KCNH7: variants seen among roughly 807,000 people sequenced by gnomAD.
The protein encoded by KCNH7 is voltage-gated inwardly rectifying potassium channel KCNH7.
A neutral mutation model predicts 120.8 loss-of-function variants in KCNH7; 49 were observed. That is an observed-to-expected ratio of 0.41 (90% CI 0.32 to 0.51). The LOEUF (loss-of-function observed/expected upper bound fraction) is 0.51. KCNH7 is among the 20% of genes least tolerant of loss of function. The pLI, the probability that KCNH7 is intolerant of heterozygous loss-of-function variation, is 0.38. For missense variants in KCNH7, 1,097 were observed against 1,446.6 expected, an observed-to-expected ratio of 0.76 and a Z score of 3.92; for synonymous variants, 547 against 516.1, an observed-to-expected ratio of 1.06 and a Z score of -0.81.
At chr2:162,375,017 G>GT (rs1686111355) in intron 14 of KCNH7, among the ~76,000 whole-genome samples, 1 of 151,998 alleles carries the variant, frequency 6.6e-6, no homozygotes, top group Non-Finnish European at 1.5e-5. Flanking sequence ...ACTGTTATGT[G>GT]TTATACATAT....
chr2:162,796,107 T>C (rs1018727364), intron 2 of KCNH7: 6 of 152,086 alleles, frequency 3.9e-5, no homozygotes, highest in African/African-American at 9.7e-5. Context: ...GTTGTTTACA[T>C]ACACAATGGA....
At chr2:162,836,516 T>C in intron 2 of KCNH7, 21 bp downstream of exon 2, 1 of 1,587,108 alleles carries the variant, frequency 6.3e-7, no homozygotes, top group Middle Eastern at 1.7e-4. Context: ...ATAGAAGGAA[T>C]CCTAAATAGA....
chr2:162,668,392 A>G (rs1326744750), intron 2 of KCNH7, among the ~76,000 whole-genome samples: 2 of 152,340 alleles, frequency 1.3e-5, no homozygotes, highest in African/African-American at 4.8e-5. Context: ...ACAGAAGTAC[A>G]CAGTGAATAT....
intron 12 of KCNH7, among the ~76,000 whole-genome samples, chr2:162,393,186 A>G (rs528366696): frequency 1.7e-4 from 26 of 152,136 alleles, no homozygotes; most frequent in Non-Finnish European, 2.6e-4. Context: ...TAGAGTCACC[A>G]TCTGCAGAGG....
intron 12 of KCNH7, among the ~76,000 whole-genome samples, chr2:162,387,000 G>C (rs1573900480): frequency 1.3e-5 from 2 of 151,382 alleles, no homozygotes; most frequent in East Asian, 3.9e-4. Context: ...TAGTAAAATG[G>C]AGAAAATTAC....
rs1686842385 is a variant in KCNH7 at position 162,394,443 on chromosome 2, C to T, written c.2656G>A (p.Asp886Asn). 3.1e-6 allele frequency: 5 copies of T among 1,607,818 alleles called. No homozygotes were observed. Among genetic ancestry groups the T allele is most frequent in the South Asian group, 1.1e-5 (1 of 90,900 alleles). ...RSQSMNDSEG[D>N]NCKLRRRKLS... ...TTCCTTCTTCTTAGTTTACAGTTGT[C>T]TCCTTCTGAATCATTCATGGATTGT... The change falls in exon 12 of 16, where the codon GAC becomes AAC. Residue 886 changes from aspartate (D) to asparagine (N), a missense_variant. Asp to Asn is a conservative substitution (Grantham distance 23). This residue lies in a region of KCNH7 where 406 missense variants were observed against 410.5 expected (regional missense o/e 0.99). Transcript: ENST00000332142.
intron 2 of KCNH7, among the ~76,000 whole-genome samples, chr2:162,804,991 A>G (rs1432003573): frequency 6.6e-6 from 1 of 151,790 alleles, no homozygotes; most frequent in Non-Finnish European, 1.5e-5. Flanking sequence ...GGGAAAGGAC[A>G]TCCTATTTAA....
At chr2:162,560,108 G>C (rs935961022) in intron 2 of KCNH7, among the ~76,000 whole-genome samples, 3 of 152,190 alleles carry the variant, frequency 2.0e-5, no homozygotes, top group Admixed American at 6.5e-5. Context: ...CCAACTGCAA[G>C]AATAATTCTT....
chr2:162,671,036 C>T lies in KCNH7; in HGVS notation c.308-133956G>A, dbSNP rs146887162. Among the ~76,000 whole-genome samples the T allele has an allele frequency of 2.5e-3, 385 of 152,008 alleles. 2 individuals are homozygous for T. Among genetic ancestry groups the T allele is most frequent in the African/African-American group, 8.8e-3 (367 of 41,472 alleles). On this transcript the variant is annotated intron_variant, in intron 2 of 15. Transcript: ENST00000332142. Reference sequence around the variant, plus strand: ...AACCACAATGAGATACCAACTTATACCAGTCAGAATGGTTATTATTAAAAA... The same window carrying T: ...AACCACAATGAGATACCAACTTATATCAGTCAGAATGGTTATTATTAAAAA...
At chr2:162,629,888 T>C (rs1683704330) in intron 2 of KCNH7, among the ~76,000 whole-genome samples, 2 of 152,082 alleles carry the variant, frequency 1.3e-5, no homozygotes, top group Admixed American at 6.6e-5. Context: ...ATAACAATAC[T>C]AGAATTTAGA....
At chr2:162,423,861 T>A (rs990478103) in intron 8 of KCNH7, among the ~76,000 whole-genome samples, 1 of 152,056 alleles carries the variant, frequency 6.6e-6, no homozygotes, top group Non-Finnish European at 1.5e-5. Flanking sequence ...AAAGAAGGCA[T>A]CTCATGGCTC....
At chr2:162,572,123 G>A (rs1693501167) in intron 2 of KCNH7, among the ~76,000 whole-genome samples, 1 of 151,850 alleles carries the variant, frequency 6.6e-6, no homozygotes, top group South Asian at 2.1e-4. Flanking sequence ...TACAAAATGG[G>A]AGAAAATTTT....
At position 162,515,956 on chromosome 2, in the gene KCNH7, A is replaced by C. The variant is rs1378653274; in HGVS notation, c.892+1774T>G. 4.0e-5 allele frequency among the ~76,000 whole-genome samples: 6 copies of C among 151,828 alleles called. No homozygotes were observed. The East Asian group carries it at 1.2e-3, about 30-fold the overall frequency. ...GGTGTCCTTTAGATAAAGATCCTCT[A>C]TATGATTTACTCCTAAGACTTCGTT... On this transcript the variant is annotated intron_variant, in intron 4 of 15. Transcript: ENST00000332142.
intron 6 of KCNH7, among the ~76,000 whole-genome samples, chr2:162,459,756 T>C (rs578259275): frequency 1.3e-5 from 2 of 152,146 alleles, no homozygotes; most frequent in East Asian, 3.9e-4. Flanking sequence ...GCTCACCCAT[T>C]GGTTTGGTGG....
intron 2 of KCNH7, among the ~76,000 whole-genome samples, chr2:162,572,118 A>C (rs1250251497): frequency 1.3e-5 from 2 of 152,020 alleles, no homozygotes; most frequent in Non-Finnish European, 2.9e-5. Context: ...CAACCTACAA[A>C]ATGGGAGAAA....
intron 12 of KCNH7, among the ~76,000 whole-genome samples, chr2:162,388,427 G>A (rs142616483): frequency 1.8e-3 from 268 of 151,682 alleles, no homozygotes; most frequent in African/African-American, 6.0e-3. Flanking sequence ...CTTGAATATT[G>A]TAATCATTTC....
intron 2 of KCNH7, among the ~76,000 whole-genome samples, chr2:162,786,722 G>A (rs1035516884): frequency 1.3e-5 from 2 of 152,094 alleles, no homozygotes; most frequent in Non-Finnish European, 2.9e-5. Flanking sequence ...ATTTGGGGAG[G>A]TATCCAGATG....
chr2:162,380,114 G>A lies in KCNH7; in HGVS notation c.2963-93C>T, dbSNP rs116611041. 895 of 1,451,696 alleles carry A rather than the reference G, an allele frequency of 6.2e-4. 2 individuals are homozygous for A. In the African/African-American group the frequency reaches 0.011, roughly 18 times the overall value. The allele number at this position is 1,451,696 out of a possible 1,614,324, so 89.9% of individuals were successfully genotyped here. A position where few individuals can be genotyped will look rare whatever the true frequency, so the allele number is the denominator to read the frequency against. ...TCCACAAGACAAGCTGGAAAGGATC[G>A]GAGTATAACCTGAGAGACAGAGAAC... On this transcript the variant is annotated intron_variant, in intron 13 of 15. Transcript: ENST00000332142.
At chr2:162,589,746 A>T (rs1419627298) in intron 2 of KCNH7, among the ~76,000 whole-genome samples, 1 of 152,122 alleles carries the variant, frequency 6.6e-6, no homozygotes, top group Admixed American at 6.6e-5. Context: ...AAAACCATGA[A>T]TTTAACATAA....
Sources: allele counts gnomAD v4.1 joint callset (sites outside exome capture counted in the v4.1 genomes callset), GRCh38; gene constraint gnomAD v4.1.1; regional missense constraint gnomAD v4.1.1; transcripts MANE v1.5; gene names NCBI Gene and HGNC (gene_info 2026-07-23, HGNC 2026-07-21).